KLHL5: variants seen among roughly 807,000 people sequenced by gnomAD.
The protein encoded by KLHL5 is kelch like family member 5, also known as kelch-like protein 5.
KLHL5 carries 48 observed loss-of-function variants against 77.7 expected under a neutral mutation model. The observed-to-expected ratio is 0.62, with a 90% confidence interval of 0.49 to 0.79. The LOEUF (loss-of-function observed/expected upper bound fraction) is 0.79, where lower values mean the gene tolerates loss of function less well. Ranked by LOEUF, KLHL5 falls within the 30% of genes least tolerant of loss-of-function variation. The pLI is 0.00. For synonymous variants in KLHL5, 260 were observed against 297.0 expected, an observed-to-expected ratio of 0.88 and a Z score of 1.28; for missense variants, 723 against 859.7, an observed-to-expected ratio of 0.84 and a Z score of 1.99.
intron 10 of KLHL5, among the ~76,000 whole-genome samples, chr4:39,116,948 T>G (rs527684304): frequency 6.6e-6 from 1 of 152,242 alleles, no homozygotes; most frequent in East Asian, 1.9e-4. Context: ...GAGATTCCCC[T>G]GCCTCAGCCT....
chr4:39,095,824 A>G (rs1384544474), intron 5 of KLHL5, among the ~76,000 whole-genome samples: 1 of 151,754 alleles, frequency 6.6e-6, no homozygotes, highest in Non-Finnish European at 1.5e-5. Flanking sequence ...AGCAAAGTAT[A>G]TAATAAAACA....
At chr4:39,129,417 T>C (rs1723714490), downstream of KLHL5, among the ~76,000 whole-genome samples, 1 of 151,998 alleles carries the variant, frequency 6.6e-6, no homozygotes, top group Non-Finnish European at 1.5e-5. The surrounding 1 kb of genome is among the most constrained non-coding windows in gnomAD (Gnocchi z 4.2). Flanking sequence ...ACCATGTTGG[T>C]CAGGCTGGTC....
intron 5 of KLHL5, among the ~76,000 whole-genome samples, chr4:39,094,295 AAAT>A (rs1457295829): frequency 6.6e-6 from 1 of 151,918 alleles, no homozygotes; most frequent in Admixed American, 6.6e-5. Flanking sequence ...ATAGCAATGA[AAAT>A]AATAAAATAT....
intron 8 of KLHL5, 150 bp downstream of exon 8, chr4:39,107,881 T>C (rs1260729551): frequency 1.8e-6 from 1 of 551,938 alleles, no homozygotes; most frequent in Non-Finnish European, 3.0e-6. Flanking sequence ...TGTAAATATA[T>C]TGTTTTAATA....
rs1333282763 is a variant in KLHL5, at chr4:39,076,091, T to G, written c.510T>G (p.His170Gln). The change falls in exon 2 of 11, where the codon CAT becomes CAG. Residue 170 changes from histidine (H) to glutamine (Q), a missense_variant. Physicochemically the swap from His to Gln is conservative, Grantham distance 24. This residue lies in a region of KLHL5 where 221 missense variants were observed against 222.1 expected (regional missense o/e 1.00). Transcript: ENST00000504108. ...AAAAAATGGAAAACTATTTGAGACA[T>G]AAACAGTTGTGTGATGTAATTTTAG... is the stretch of plus-strand genomic sequence containing the variant. ...TFKKMENYLR[H>Q]KQLCDVILVA... The G allele has an allele frequency of 4.4e-6, 7 of 1,607,358 alleles. No homozygotes were observed. The highest frequency in any genetic ancestry group is 5.9e-6 in the Non-Finnish European group (7 of 1,178,332).
intron 1 of KLHL5, among the ~76,000 whole-genome samples, chr4:39,065,516 G>A (rs926454808): frequency 6.6e-6 from 1 of 151,828 alleles, no homozygotes; most frequent in Admixed American, 6.6e-5. Flanking sequence ...ACCACTCCCG[G>A]CTAATTTTTG....
chr4:39,063,581 C>T (rs1415655806), intron 1 of KLHL5: 1 of 448,318 alleles, frequency 2.2e-6, no homozygotes, highest in Non-Finnish European at 4.5e-6. Context: ...GCTCTCCAGA[C>T]TAATATAGAG....
chr4:39,062,745 A>G lies in KLHL5; in HGVS notation c.93A>G (p.Thr31=), dbSNP rs150673156. The change falls in exon 1 of 11, where the codon ACA becomes ACG. Residue 31 remains threonine (T), a synonymous_variant. Coordinates refer to ENST00000504108, the MANE Select transcript of KLHL5 (RefSeq NM_015990.5). ...ATCAAGCATCATCTCCTAATTCTAC[A>G]GTTGACAGCCAGCAGGGAGAATTTT... ...FGHQASSPNS[T]VDSQQGEFWN... 2.6e-3 allele frequency: 4,262 copies of G among 1,614,170 alleles called. 12 individuals are homozygous for G. Among genetic ancestry groups the G allele is most frequent in the Non-Finnish European group, 3.3e-3 (3,939 of 1,179,998 alleles).
intron 1 of KLHL5, among the ~76,000 whole-genome samples, chr4:39,069,471 TATACACACAC>T (rs1366603346): frequency 1.4e-5 from 1 of 69,902 alleles, no homozygotes; most frequent in African/African-American, 4.5e-5. Context: ...TATATATATA[TATACACACAC>T]ACACACACAC....
intron 1 of KLHL5, among the ~76,000 whole-genome samples, chr4:39,052,467 G>A (rs1407679676): frequency 6.6e-6 from 1 of 152,016 alleles, no homozygotes; most frequent in Non-Finnish European, 1.5e-5. Context: ...TTGAGAGGAA[G>A]GTGAGCCTGG....
At chr4:39,142,443 G>C in the KLHL5 span, among the ~76,000 whole-genome samples, 3 of 151,894 alleles carry the variant, frequency 2.0e-5, no homozygotes, top group Non-Finnish European at 4.4e-5. Context: ...GACTTCTTCG[G>C]TAAAGTCAGT....
At chr4:39,045,020 GC>G (rs1254125639), upstream of KLHL5, 3 of 993,442 alleles carry the variant, frequency 3.0e-6, no homozygotes, top group Non-Finnish European at 3.6e-6. Context: ...GCCGGCCCCG[GC>G]CCCCGCCTCC....
intron 1 of KLHL5, among the ~76,000 whole-genome samples, chr4:39,066,025 A>G (rs1717868735): frequency 6.6e-6 from 1 of 152,220 alleles, no homozygotes; most frequent in Admixed American, 6.5e-5. Flanking sequence ...TGTCTGTCTG[A>G]GTCTTAGACT....
chr4:39,093,278 C>G (rs1720755409), intron 5 of KLHL5: 2 of 427,746 alleles, frequency 4.7e-6, no homozygotes, highest in Admixed American at 2.6e-5. Flanking sequence ...GTATGATTCT[C>G]TGTATATGAA....
chr4:39,069,148 C>T (rs1273549981), intron 1 of KLHL5, among the ~76,000 whole-genome samples: 7 of 151,874 alleles, frequency 4.6e-5, no homozygotes, highest in African/African-American at 1.2e-4. Context: ...TAGGAAGGAC[C>T]GAAGAGAGGA....
chr4:39,072,328 C>G (rs1445934417), intron 1 of KLHL5, among the ~76,000 whole-genome samples: 1 of 152,062 alleles, frequency 6.6e-6, no homozygotes, highest in East Asian at 1.9e-4. Flanking sequence ...GAGGGATCCC[C>G]TAAAAGACAG....
At chr4:39,126,325 C>T (rs1426425422), downstream of KLHL5, among the ~76,000 whole-genome samples, 2 of 152,158 alleles carry the variant, frequency 1.3e-5, no homozygotes, top group South Asian at 2.1e-4. Flanking sequence ...ATGGCATTTT[C>T]ATCATTCTGA....
chr4:39,072,130 G>C (rs1337069431), intron 1 of KLHL5, among the ~76,000 whole-genome samples: 1 of 151,602 alleles, frequency 6.6e-6, no homozygotes, highest in African/African-American at 2.4e-5. Flanking sequence ...AAAAAATGAT[G>C]ATGCCAGGGA....
chr4:39,062,348 G>GTCGCCGTA lies in KLHL5; in HGVS notation c.-303_-302insGCCGTATC. ...CTGTCAGTGTTTGTGAGACCTAATGGTCAGTATGGGAAAGGAGAGCCGGGA... is the reference window on the plus strand; with the variant it reads ...CTGTCAGTGTTTGTGAGACCTAATGGTCGCCGTATCAGTATGGGAAAGGAGAGCCGGGA... On this transcript the variant is annotated 5_prime_UTR_variant, in exon 1 of 11. It removes the in-frame stop codon of an upstream open reading frame in the 5' UTR. Coordinates refer to ENST00000504108, the MANE Select transcript of KLHL5 (RefSeq NM_015990.5). 12 of 1,425,858 alleles carry GTCGCCGTA rather than the reference G, an allele frequency of 8.4e-6. No individual in the cohort carries two copies. In the Admixed American group the frequency reaches 8.9e-5, roughly 11 times the overall value. 88.3% of individuals were successfully genotyped at this position (1,425,858 alleles called of 1,614,324 possible).
Sources: gnomAD v4.1 joint callset for allele counts (sites outside exome capture counted in the v4.1 genomes callset) on GRCh38, gnomAD v4.1.1 for gene constraint, gnomAD v4.1.1 regional missense constraint, Gnocchi (gnomAD v3.1) non-coding constraint, MANE v1.5 for transcripts, NCBI Gene and HGNC (gene_info 2026-07-23, HGNC 2026-07-21) for gene names.